The following KCNIP4 variants were observed in gnomAD, a reference collection of about 807,000 sequenced individuals.
KCNIP4 encodes the protein potassium voltage-gated channel interacting protein 4, also known as Kv channel-interacting protein 4.
In KCNIP4, 12 loss-of-function variants were observed where a neutral mutation model predicts 34.0. The observed-to-expected ratio is 0.35, with a 90% confidence interval of 0.23 to 0.57. KCNIP4 has a LOEUF of 0.57. KCNIP4 is among the 20% of genes least tolerant of loss of function. The probability of loss-of-function intolerance (pLI) is 0.83; values close to 1 mark genes in which losing one functional copy is unlikely to be tolerated. For missense variants in KCNIP4, 238 were observed against 311.7 expected (o/e 0.76, Z 1.78); for synonymous variants, 124 against 102.2 (o/e 1.21, Z -1.29).
At chr4:21,499,441 C>T (rs1358588630) in intron 1 of KCNIP4, among the ~76,000 whole-genome samples, 1 of 151,548 alleles carries the variant, frequency 6.6e-6, no homozygotes, top group African/African-American at 2.4e-5. Context: ...GATTACAATT[C>T]AAACTTAATG....
At chr4:20,872,678 A>G (rs574711905) in intron 2 of KCNIP4, among the ~76,000 whole-genome samples, 64 of 152,270 alleles carry the variant, frequency 4.2e-4, no homozygotes, top group Admixed American at 8.5e-4. Context: ...TTATGAAAAT[A>G]TTACATAAAA....
chr4:21,570,856 T>C (rs941309944), intron 1 of KCNIP4, among the ~76,000 whole-genome samples: 1 of 152,134 alleles, frequency 6.6e-6, no homozygotes, highest in Non-Finnish European at 1.5e-5. Flanking sequence ...AACAACACTA[T>C]ACAGCAGCTG....
intron 1 of KCNIP4, among the ~76,000 whole-genome samples, chr4:21,761,646 A>C (rs952969112): frequency 1.1e-4 from 17 of 150,036 alleles, no homozygotes; most frequent in Admixed American, 3.3e-4. Flanking sequence ...GCAAAAAAAA[A>C]CTCTCAAAAT....
At chr4:21,117,370 C>T (rs1242394672) in intron 1 of KCNIP4, among the ~76,000 whole-genome samples, 1 of 142,572 alleles carries the variant, frequency 7.0e-6, no homozygotes, top group Non-Finnish European at 1.5e-5. Flanking sequence ...GGTCTACAGA[C>T]CAAGTTATTT....
intron 1 of KCNIP4, among the ~76,000 whole-genome samples, chr4:21,795,476 T>A (rs1720562751): frequency 6.6e-6 from 1 of 152,136 alleles, no homozygotes; most frequent in Non-Finnish European, 1.5e-5. Context: ...TGAGGCAAAG[T>A]GATACTAATA....
At chr4:21,936,149 T>A (rs896477665) in intron 1 of KCNIP4, among the ~76,000 whole-genome samples, 8 of 152,070 alleles carry the variant, frequency 5.3e-5, no homozygotes, top group African/African-American at 1.9e-4. Context: ...TGAGAGATGA[T>A]ATGGTTTGGC....
At chr4:21,308,553 G>A (rs1332193114) in intron 1 of KCNIP4, among the ~76,000 whole-genome samples, 1 of 152,164 alleles carries the variant, frequency 6.6e-6, no homozygotes, top group Non-Finnish European at 1.5e-5. Flanking sequence ...ATTTTCCCAT[G>A]TGTCTCATGT....
At chr4:20,933,749 A>T (rs12641687) in intron 1 of KCNIP4, among the ~76,000 whole-genome samples, 20,265 of 151,600 alleles carry the variant, frequency 0.13, 1,905 homozygotes, top group African/African-American at 0.28. Context: ...AAAGAAAAAA[A>T]AAAAAAGAAA....
At chr4:21,406,873 G>A (rs1474295706) in intron 1 of KCNIP4, among the ~76,000 whole-genome samples, 2 of 152,180 alleles carry the variant, frequency 1.3e-5, no homozygotes, top group East Asian at 1.9e-4. Flanking sequence ...GCTACCAGGG[G>A]CTTGGCAGTT....
chr4:21,594,379 T>A (rs1742458009), intron 1 of KCNIP4, among the ~76,000 whole-genome samples: 1 of 152,142 alleles, frequency 6.6e-6, no homozygotes, highest in Admixed American at 6.6e-5. Flanking sequence ...AGCATAATAG[T>A]TATGACCAAA....
At chr4:21,047,986 A>C (rs1365791181) in intron 1 of KCNIP4, among the ~76,000 whole-genome samples, 1 of 152,190 alleles carries the variant, frequency 6.6e-6, no homozygotes, top group African/African-American at 2.4e-5. Flanking sequence ...ATATGGTGGG[A>C]AAAACAACTG....
In KCNIP4 at chr4:21,128,420, CA is replaced by C. The variant is rs201324607; in HGVS notation, c.62-245712del. Among the ~76,000 whole-genome samples, 825 of 152,276 alleles carry C rather than the reference CA, an allele frequency of 5.4e-3. 4 individuals are homozygous for C. The highest frequency in any genetic ancestry group is 0.017 in the African/African-American group (725 of 41,556). On this transcript the variant is annotated intron_variant, in intron 1 of 8. Transcript: ENST00000382152. ...AGTGTTCAAATAAATAAACCCCATT[CA>C]GGAAAAAGAGCATTTGTCACAGATT...
At chr4:21,922,695 C>T (rs1729001107) in intron 1 of KCNIP4, among the ~76,000 whole-genome samples, 1 of 151,960 alleles carries the variant, frequency 6.6e-6, no homozygotes, top group South Asian at 2.1e-4. Context: ...TACTAAGATA[C>T]CTACTAATGT....
At chr4:21,652,813 A>T (rs1747608212) in intron 1 of KCNIP4, among the ~76,000 whole-genome samples, 1 of 152,208 alleles carries the variant, frequency 6.6e-6, no homozygotes, top group African/African-American at 2.4e-5. Flanking sequence ...TTGGATGTAG[A>T]GCCACCGTTC....
intron 1 of KCNIP4, among the ~76,000 whole-genome samples, chr4:21,274,068 G>GA (rs1185637160): frequency 1.3e-5 from 2 of 152,036 alleles, no homozygotes; most frequent in African/African-American, 4.8e-5. Flanking sequence ...TATGACCTTG[G>GA]AAAAAATCAG....
rs1732583594 is a variant in KCNIP4, at chr4:21,493,494, A to C, written c.61+455077T>G. Among the ~76,000 whole-genome samples the C allele has an allele frequency of 1.3e-5, 2 of 152,200 alleles. 1 individual carries two copies. Among genetic ancestry groups the C allele is most frequent in the South Asian group, 4.1e-4 (2 of 4,832 alleles). Reference sequence around the variant, plus strand: ...AAAAGCATGACCAGTCTATGCTTACATGCATTTGTACCACATAAACTCCTA... The same window carrying C: ...AAAAGCATGACCAGTCTATGCTTACCTGCATTTGTACCACATAAACTCCTA... On this transcript the variant is annotated intron_variant, in intron 1 of 8. Coordinates refer to ENST00000382152, the MANE Select transcript of KCNIP4 (RefSeq NM_025221.6).
intron 1 of KCNIP4, among the ~76,000 whole-genome samples, chr4:21,192,994 G>T: frequency 6.6e-6 from 1 of 151,034 alleles, no homozygotes; most frequent in East Asian, 1.9e-4. Flanking sequence ...GCACATGCCT[G>T]TCGTTCCAGC....
At chr4:21,676,057 G>A (rs145271105) in intron 1 of KCNIP4, among the ~76,000 whole-genome samples, 17 of 152,188 alleles carry the variant, frequency 1.1e-4, no homozygotes, top group East Asian at 3.9e-4. Flanking sequence ...ATAAAGAAAC[G>A]CAATAAACTT....
At chr4:21,453,329 TAGA>T (rs1288546703) in intron 1 of KCNIP4, among the ~76,000 whole-genome samples, 1 of 151,970 alleles carries the variant, frequency 6.6e-6, no homozygotes, top group Non-Finnish European at 1.5e-5. Context: ...ATGAAAGAGG[TAGA>T]AGGTCTTGTA....
Sources: gnomAD v4.1 joint callset for allele counts (sites outside exome capture counted in the v4.1 genomes callset) on GRCh38, gnomAD v4.1.1 for gene constraint, MANE v1.5 for transcripts, NCBI Gene and HGNC (gene_info 2026-07-23, HGNC 2026-07-21) for gene names.